SHROOM3: variants seen among roughly 807,000 people sequenced by gnomAD.
SHROOM3 encodes shroom family member 3.
Under a neutral mutation model 138.6 loss-of-function variants are expected in SHROOM3, and 47 were observed. The ratio of observed to expected loss-of-function variants is 0.34; its 90% confidence interval spans 0.27 to 0.43. SHROOM3 has a LOEUF of 0.43. Among genes scored for constraint, SHROOM3 ranks in the 20% least tolerant of loss-of-function variants. SHROOM3 has a pLI of 1.00. For synonymous variants in SHROOM3, 1,062 were observed against 1,063.3 expected (o/e 1.00, Z 0.02); for missense variants, 2,491 against 2,596.5 (o/e 0.96, Z 0.88).
intron 1 of SHROOM3, among the ~76,000 whole-genome samples, chr4:76,510,176 T>C (rs1435524609): frequency 6.6e-6 from 1 of 152,206 alleles, no homozygotes; most frequent in Non-Finnish European, 1.5e-5. Flanking sequence ...AAGATTTATA[T>C]ATAAGACCTC....
chr4:76,621,008 T>A (rs552682013), intron 2 of SHROOM3, among the ~76,000 whole-genome samples: 3 of 152,222 alleles, frequency 2.0e-5, no homozygotes, highest in Admixed American at 2.0e-4. Context: ...CATCCTGCCC[T>A]CCAGGGAAAT....
intron 6 of SHROOM3, among the ~76,000 whole-genome samples, chr4:76,751,289 A>C (rs1721614593): frequency 6.6e-6 from 1 of 152,200 alleles, no homozygotes; most frequent in Non-Finnish European, 1.5e-5. Flanking sequence ...ATTTGGAGGA[A>C]TGTGCCCTCT....
chr4:76,527,050 ACTTT>A (rs1191193458), intron 1 of SHROOM3, among the ~76,000 whole-genome samples: 9 of 152,130 alleles, frequency 5.9e-5, no homozygotes, highest in Admixed American at 1.3e-4. Context: ...ATGCTTGCCT[ACTTT>A]CTTTCTTTCT....
intron 2 of SHROOM3, among the ~76,000 whole-genome samples, chr4:76,661,277 C>T (rs2110093228): frequency 6.6e-6 from 1 of 151,772 alleles, no homozygotes; most frequent in South Asian, 2.1e-4. Context: ...GTCGCCCAGG[C>T]TGGAGTGCAA....
rs747416574 is a variant in SHROOM3 at position 76,739,679 on chromosome 4, A to C, written c.1506A>C (p.Ile502=). The C allele has an allele frequency of 6.2e-7, 1 of 1,614,160 alleles. No homozygotes were observed. Among genetic ancestry groups the C allele is most frequent in the East Asian group, 2.2e-5 (1 of 44,872 alleles). ...YPALAKESGY[I]APQGACNKMA... ...CACTGGCCAAGGAGAGTGGATACAT[A>C]GCCCCTCAGGGAGCATGCAACAAGA... is the stretch of plus-strand genomic sequence containing the variant. Residue 502 remains isoleucine (I), a synonymous_variant, in exon 5 of 11, where the codon ATA becomes ATC. Coordinates refer to ENST00000296043, the MANE Select transcript of SHROOM3 (RefSeq NM_020859.4).
chr4:76,627,893 G>A (rs1208829442), intron 2 of SHROOM3, among the ~76,000 whole-genome samples: 1 of 152,138 alleles, frequency 6.6e-6, no homozygotes, highest in Non-Finnish European at 1.5e-5. Context: ...ATAGGGCATT[G>A]ATTCCAACTT....
At chr4:76,437,460 T>A (rs1363495801) in intron 1 of SHROOM3, among the ~76,000 whole-genome samples, 1 of 152,170 alleles carries the variant, frequency 6.6e-6, no homozygotes, top group Non-Finnish European at 1.5e-5. Flanking sequence ...ACTCTGCCAT[T>A]CTTATGATGT....
chr4:76,730,063 C>T (rs1720829400), intron 3 of SHROOM3, among the ~76,000 whole-genome samples: 1 of 152,216 alleles, frequency 6.6e-6, no homozygotes, highest in Non-Finnish European at 1.5e-5. Context: ...TCTCTCCTGA[C>T]TCTGACTTTC....
chr4:76,507,633 T>C (rs1045499754), intron 1 of SHROOM3, among the ~76,000 whole-genome samples: 4 of 151,132 alleles, frequency 2.6e-5, no homozygotes, highest in African/African-American at 9.8e-5. Context: ...ACCTCCCAGG[T>C]TCATGCCATT....
chr4:76,561,999 G>A (rs1466091826), intron 2 of SHROOM3, among the ~76,000 whole-genome samples: 4 of 151,824 alleles, frequency 2.6e-5, no homozygotes, highest in Non-Finnish European at 5.9e-5. Context: ...CAACAAGAGC[G>A]AAACTCTGTC....
At chr4:76,767,475 C>G (rs185158435) in intron 9 of SHROOM3, among the ~76,000 whole-genome samples, 1 of 152,146 alleles carries the variant, frequency 6.6e-6, no homozygotes. Context: ...GTCAGGAGTT[C>G]GAGACCAGCC....
chr4:76,444,780 C>T (rs1316664128), intron 1 of SHROOM3, among the ~76,000 whole-genome samples: 3 of 152,120 alleles, frequency 2.0e-5, no homozygotes, highest in Admixed American at 2.0e-4. Context: ...AGGCATGAGC[C>T]ACCACGCCTG....
At chr4:76,744,554 C>T (rs1199663040) in intron 5 of SHROOM3, among the ~76,000 whole-genome samples, 2 of 152,204 alleles carry the variant, frequency 1.3e-5, no homozygotes, top group Non-Finnish European at 2.9e-5. Context: ...AACAAAGTTA[C>T]TCTCACCACA....
intron 4 of SHROOM3, among the ~76,000 whole-genome samples, chr4:76,737,841 GTTGAGTT>G (rs1213840230): frequency 6.6e-6 from 1 of 152,084 alleles, no homozygotes; most frequent in Non-Finnish European, 1.5e-5. Flanking sequence ...TTTTCTTATT[GTTGAGTT>G]TTAAGTGATT....
At chr4:76,646,252 T>TA (rs1404315808) in intron 2 of SHROOM3, among the ~76,000 whole-genome samples, 7 of 87,098 alleles carry the variant, frequency 8.0e-5, no homozygotes, top group African/African-American at 2.0e-4. Flanking sequence ...ATATATAAAA[T>TA]TAAAAAAAAG....
chr4:76,508,277 T>G (rs1732257287), intron 1 of SHROOM3, among the ~76,000 whole-genome samples: 1 of 152,226 alleles, frequency 6.6e-6, no homozygotes, highest in Admixed American at 6.5e-5. Context: ...TCTGTGGATA[T>G]CCAGCTGGCC....
chr4:76,439,821 A>C (rs543093235), intron 1 of SHROOM3, among the ~76,000 whole-genome samples: 2 of 152,362 alleles, frequency 1.3e-5, no homozygotes, highest in South Asian at 4.1e-4. Context: ...ATGGCCGTAA[A>C]GGATCTACAA....
At chr4:76,725,213 TAC>T (rs1720669511) in intron 3 of SHROOM3, among the ~76,000 whole-genome samples, 1 of 150,020 alleles carries the variant, frequency 6.7e-6, no homozygotes, top group Admixed American at 6.7e-5. Flanking sequence ...TGAAACCTGA[TAC>T]TCTGCCCAGG....
intron 2 of SHROOM3, among the ~76,000 whole-genome samples, chr4:76,651,860 C>A (rs1224126481): frequency 1.3e-5 from 2 of 152,120 alleles, no homozygotes; most frequent in African/African-American, 4.8e-5. Flanking sequence ...TACAGCAAAT[C>A]GGGGTATTGG....
Sources: allele counts gnomAD v4.1 joint callset (sites outside exome capture counted in the v4.1 genomes callset), GRCh38; gene constraint gnomAD v4.1.1; transcripts MANE v1.5; gene names NCBI Gene and HGNC (gene_info 2026-07-23, HGNC 2026-07-21).